TSPAN16: variants seen among roughly 807,000 people sequenced by gnomAD.
TSPAN16 encodes the protein tetraspanin-16.
In TSPAN16, 23 loss-of-function variants were observed where a neutral mutation model predicts 25.2. That is an observed-to-expected ratio of 0.91 (90% confidence interval 0.66 to 1.29). TSPAN16 has a LOEUF of 1.29. Ranked by LOEUF, TSPAN16 falls within the 50% of genes most tolerant of loss-of-function variation. The pLI is 0.00. For synonymous variants in TSPAN16, 123 were observed against 124.4 expected, an observed-to-expected ratio of 0.99 and a Z score of 0.08; for missense variants, 272 against 299.9, an observed-to-expected ratio of 0.91 and a Z score of 0.69.
At chr19:11,299,985 G>GAAAAAAAAA (rs60293071) in intron 3 of TSPAN16, among the ~76,000 whole-genome samples, 9 of 107,724 alleles carry the variant, frequency 8.4e-5, no homozygotes, top group Admixed American at 1.9e-4. Context: ...CTCAAAAAAA[G>GAAAAAAAAA]AAAAAAAAAA....
chr19:11,316,811 CTT>C (rs71164185), downstream of TSPAN16, among the ~76,000 whole-genome samples: 11 of 129,570 alleles, frequency 8.5e-5, no homozygotes, highest in Non-Finnish European at 8.1e-5. Flanking sequence ...CCCCCCCCGC[CTT>C]TTTTTTTTTT....
intron 6 of TSPAN16, chr19:11,322,818 T>C (rs1157641073): frequency 6.6e-6 from 1 of 152,240 alleles, no homozygotes; most frequent in Non-Finnish European, 1.5e-5. Context: ...AAGCTGTTTC[T>C]CATCACACAG....
intron 6 of TSPAN16, among the ~76,000 whole-genome samples, chr19:11,313,211 C>T (rs996400025): frequency 7.2e-5 from 11 of 151,982 alleles, no homozygotes; most frequent in African/African-American, 2.4e-4. Flanking sequence ...ATTGCAATGA[C>T]ATAAGAAAGT....
intron 3 of TSPAN16, among the ~76,000 whole-genome samples, chr19:11,300,157 G>A (rs1207336188): frequency 1.3e-5 from 2 of 152,138 alleles, no homozygotes; most frequent in African/African-American, 2.4e-5. Context: ...CCAGGATAGA[G>A]TGCCGTCCTC....
chr19:11,298,193 G>T lies in TSPAN16; in HGVS notation c.121G>T (p.Ala41Ser), dbSNP rs1348934702. 4.3e-6 allele frequency: 7 copies of T among 1,614,136 alleles called. No homozygotes were observed. In the South Asian group the frequency reaches 7.7e-5, roughly 18 times the overall value. Residue 41 changes from alanine (A) to serine (S), a missense_variant, in exon 2 of 7, where the codon GCC becomes TCC. Coordinates refer to ENST00000590327, the MANE Select transcript of TSPAN16 (RefSeq NM_001282509.2). ...GGGCATTGGTGGTAAATGTGGAGGG[G>T]CCTCTCTGACGAATGTCCTCGGGCT... ...GLGIGGKCGGASLTNVLGLSS... is the reference protein window; with the variant it reads ...GLGIGGKCGGSSLTNVLGLSS...
At chr19:11,321,493 G>T (rs770752357) in intron 6 of TSPAN16, among the ~76,000 whole-genome samples, 21 of 152,184 alleles carry the variant, frequency 1.4e-4, no homozygotes, top group Non-Finnish European at 2.5e-4. Context: ...TGAGATTTGG[G>T]TGGGGACACA....
intron 6 of TSPAN16, among the ~76,000 whole-genome samples, chr19:11,314,403 T>A (rs146281871): frequency 1.3e-5 from 2 of 152,222 alleles, no homozygotes; most frequent in African/African-American, 4.8e-5. Flanking sequence ...GCCCAAGAAA[T>A]TTTTCCTACA....
chr19:11,321,043 C>A (rs112735651), intron 6 of TSPAN16, among the ~76,000 whole-genome samples: 1 of 151,898 alleles, frequency 6.6e-6, no homozygotes, highest in Non-Finnish European at 1.5e-5. Flanking sequence ...GTGGAGTGTG[C>A]CTGTAATCCC....
At chr19:11,322,709 A>G (rs560894446) in intron 6 of TSPAN16, 1 of 152,326 alleles carries the variant, frequency 6.6e-6, no homozygotes, top group South Asian at 2.1e-4. Context: ...TTTTGAGAGA[A>G]TCCTGAGGCA....
chr19:11,306,685 A>G lies in TSPAN16; in HGVS notation c.532A>G (p.Ser178Gly), dbSNP rs1568290591. 1 of 1,613,998 alleles carries G rather than the reference A, an allele frequency of 6.2e-7. No individual in the cohort carries two copies. Residue 178 changes from serine to glycine, a missense_variant, in exon 5 of 7, where the codon AGT becomes GGT. Transcript: ENST00000590327. ...EMTTGHTYPR[S>G]CCKSIGSVSC... is the part of the protein sequence containing the mutation. Reference sequence around the variant, plus strand: ...GACAACGGGCCACACCTACCCCAGGAGTTGCTGTAAATCCATCGGAAGTGT... The same window carrying G: ...GACAACGGGCCACACCTACCCCAGGGGTTGCTGTAAATCCATCGGAAGTGT...
chr19:11,297,393 C>T (rs190550127), intron 1 of TSPAN16, among the ~76,000 whole-genome samples: 57 of 152,162 alleles, frequency 3.7e-4, no homozygotes, highest in Non-Finnish European at 6.8e-4. Context: ...AATAGAACTG[C>T]GTAGTTTCAA....
Position 11,313,384 on chromosome 19 carries a change from C to T in TSPAN16, c.687+1162C>T, listed in dbSNP as rs1034276114. Among the ~76,000 whole-genome samples the T allele has an allele frequency of 3.9e-5, 6 of 151,912 alleles. No individual in the cohort carries two copies. The East Asian group carries it at 7.7e-4, about 20-fold the overall frequency. ...AAAATTAGCTGGGCGTAGTGATGCA[C>T]GCCTGTAATCTCAGCTGAGATTACA... On this transcript the variant is annotated intron_variant, in intron 6 of 6. Transcript: ENST00000590327.
chr19:11,300,444 C>T (rs1303795306), intron 3 of TSPAN16, among the ~76,000 whole-genome samples: 2 of 152,116 alleles, frequency 1.3e-5, no homozygotes, highest in Non-Finnish European at 2.9e-5. Flanking sequence ...GCCAGAGAAT[C>T]CTCACTTGCT....
Position 11,311,204 on chromosome 19 carries a change from C to T in TSPAN16, c.604-935C>T, listed in dbSNP as rs190100663. Among the ~76,000 whole-genome samples, 6 of 152,284 alleles carry T rather than the reference C, an allele frequency of 3.9e-5. No homozygotes were observed. The South Asian group carries it at 8.3e-4, about 21-fold the overall frequency. On this transcript the variant is annotated intron_variant, in intron 5 of 6. Transcript: ENST00000590327. ...AAGCTGGAATGCAGTGGTACAATCT[C>T]GGCTCACTACAACCTCCGATTCCCT...
downstream of TSPAN16, among the ~76,000 whole-genome samples, chr19:11,318,722 C>T (rs1038013028): frequency 6.6e-6 from 1 of 152,106 alleles, no homozygotes; most frequent in Admixed American, 6.6e-5. Flanking sequence ...TCTCAGCTCA[C>T]TGCAACCTCT....
At chr19:11,312,819 A>G (rs2080707673) in intron 6 of TSPAN16, among the ~76,000 whole-genome samples, 1 of 152,128 alleles carries the variant, frequency 6.6e-6, no homozygotes, top group Non-Finnish European at 1.5e-5. Flanking sequence ...AAAGGGAAAG[A>G]TTACTCAAAT....
At chr19:11,302,180 G>T (rs2080558715) in intron 4 of TSPAN16, among the ~76,000 whole-genome samples, 1 of 151,930 alleles carries the variant, frequency 6.6e-6, no homozygotes, top group Non-Finnish European at 1.5e-5. Flanking sequence ...TCGCATTGTT[G>T]TGCGACCATC....
intron 6 of TSPAN16, among the ~76,000 whole-genome samples, chr19:11,321,035 GGA>G (rs1226008290): frequency 6.6e-6 from 1 of 152,034 alleles, no homozygotes; most frequent in Non-Finnish European, 1.5e-5. Flanking sequence ...CAGGCGTAGT[GGA>G]GTGTGCCTGT....
rs904138950 is a variant in TSPAN16 at position 11,326,911 on chromosome 19, C to T, written c.*67C>T. 5.8e-5 allele frequency: 31 copies of T among 537,264 alleles called. No individual in the cohort carries two copies. In the East Asian group the frequency reaches 1.0e-3, roughly 18 times the overall value. The allele number at this position is 537,264 out of a possible 1,614,324, so 33.3% of individuals were successfully genotyped here. A position where few individuals can be genotyped will look rare whatever the true frequency, so the allele number is the denominator to read the frequency against. ...CAGCGTGAGCCACCACGCTGGGCTT[C>T]CTGCATCCTTTTAAGGTTCCTGAGG... On this transcript the variant is annotated 3_prime_UTR_variant, in exon 7 of 7. Transcript: ENST00000316737.
Sources: gnomAD v4.1 joint callset for allele counts (sites outside exome capture counted in the v4.1 genomes callset) on GRCh38, gnomAD v4.1.1 for gene constraint, MANE v1.5 for transcripts, NCBI Gene and HGNC (gene_info 2026-07-23, HGNC 2026-07-21) for gene names.